The following FHIT variants were observed in gnomAD, a reference collection of about 807,000 sequenced individuals.
The protein encoded by FHIT is fragile histidine triad diadenosine triphosphatase, also known as bis(5'-adenosyl)-triphosphatase.
FHIT carries 19 observed loss-of-function variants against 17.9 expected under a neutral mutation model. The observed-to-expected ratio is 1.06, with a 90% CI of 0.74 to 1.56. The LOEUF (loss-of-function observed/expected upper bound fraction) is 1.56, where lower values mean the gene tolerates loss of function less well. Ranked by LOEUF, FHIT falls within the 40% of genes most tolerant of loss-of-function variation. FHIT has a pLI of 0.00. For synonymous variants in FHIT, 81 were observed against 69.7 expected, an observed-to-expected ratio of 1.16 and a Z score of -0.81; for missense variants, 248 against 189.2, an observed-to-expected ratio of 1.31 and a Z score of -1.82.
chr3:60,383,610 A>T (rs949817995), intron 5 of FHIT, among the ~76,000 whole-genome samples: 1 of 152,060 alleles, frequency 6.6e-6, no homozygotes, highest in Non-Finnish European at 1.5e-5. Flanking sequence ...ACATATGATC[A>T]CTATCATTTA....
In FHIT at chr3:60,764,161, A is replaced by G. The variant is rs552642100; in HGVS notation, c.-18+57758T>C. On this transcript the variant is annotated intron_variant, in intron 4 of 9. Transcript: ENST00000492590. ...ATCATGTAGTGCTCCATCACCTGTC[A>G]CTCCCACCATTCCTGAGGGGCTTGG... Among the ~76,000 whole-genome samples, 12 of 151,846 alleles carry G rather than the reference A, an allele frequency of 7.9e-5. No homozygotes were observed. In the South Asian group the frequency reaches 1.7e-3, roughly 21 times the overall value.
At chr3:60,502,558 T>C (rs55996445) in intron 5 of FHIT, among the ~76,000 whole-genome samples, 11,704 of 152,098 alleles carry the variant, frequency 0.077, 622 homozygotes, top group East Asian at 0.11. Flanking sequence ...TGTCAGCAAC[T>C]CCCCCAGTGC....
At chr3:60,877,613 T>C (rs782184719) in intron 3 of FHIT, among the ~76,000 whole-genome samples, 3 of 152,126 alleles carry the variant, frequency 2.0e-5, no homozygotes, top group African/African-American at 4.8e-5. Flanking sequence ...CATGCCTGAG[T>C]TAAAGTGTCA....
intron 5 of FHIT, among the ~76,000 whole-genome samples, chr3:60,236,687 C>A (rs1220032196): frequency 1.3e-5 from 2 of 152,184 alleles, no homozygotes; most frequent in East Asian, 3.9e-4. Flanking sequence ...TTTTGCAAGG[C>A]AATTGAGTGT....
At position 60,441,796 on chromosome 3, in the gene FHIT, A is replaced by ATATGTATATGTGTGTGTGTG. The variant is rs1553772917; in HGVS notation, c.103+95063_103+95064insCACACACACACATATACATA. 3.5e-4 allele frequency among the ~76,000 whole-genome samples: 23 copies of ATATGTATATGTGTGTGTGTG among 66,086 alleles called. 1 individual carries two copies. Among genetic ancestry groups the ATATGTATATGTGTGTGTGTG allele is most frequent in the Middle Eastern group, 8.3e-3 (1 of 120 alleles). The allele number at this position is 66,086 out of a possible 152,430, so 43.4% of individuals were successfully genotyped here. On this transcript the variant is annotated intron_variant, in intron 5 of 9. Transcript: ENST00000492590. Reference sequence around the variant, plus strand: ...TATATGTATAAAAATATATATATATATATATATATATATATATATCAGGTC... The same window carrying ATATGTATATGTGTGTGTGTG: ...TATATGTATAAAAATATATATATATATATGTATATGTGTGTGTGTGTATATATATATATATATATCAGGTC...
intron 5 of FHIT, among the ~76,000 whole-genome samples, chr3:60,024,758 T>G (rs1413061736): frequency 6.6e-6 from 1 of 152,208 alleles, no homozygotes; most frequent in African/African-American, 2.4e-5. Context: ...CTAGGCCCAG[T>G]TCACTTGGTC....
intron 1 of FHIT, among the ~76,000 whole-genome samples, chr3:61,211,693 G>C (rs11130832): frequency 0.11 from 16,249 of 152,302 alleles, 1,060 homozygotes; most frequent in South Asian, 0.21. Context: ...AGAATGGGGA[G>C]ACTGCCTCCT....
At chr3:61,191,055 C>T (rs1004144096) in intron 2 of FHIT, among the ~76,000 whole-genome samples, 3 of 151,552 alleles carry the variant, frequency 2.0e-5, no homozygotes, top group African/African-American at 7.3e-5. Flanking sequence ...ACATTGCGTA[C>T]ATGTACCCTA....
intron 3 of FHIT, among the ~76,000 whole-genome samples, chr3:60,941,594 G>T (rs531469837): frequency 6.7e-6 from 1 of 149,966 alleles, no homozygotes; most frequent in African/African-American, 2.5e-5. Flanking sequence ...TTTTTCTACT[G>T]ACTATGTTCT....
At chr3:59,884,092 T>C (rs1038193450) in intron 8 of FHIT, among the ~76,000 whole-genome samples, 4 of 152,338 alleles carry the variant, frequency 2.6e-5, no homozygotes, top group Non-Finnish European at 4.4e-5. Context: ...CTTTGCTTAA[T>C]TGGGTAGTAA....
Position 60,794,290 on chromosome 3 carries a change from T to C in FHIT, c.-18+27629A>G, listed in dbSNP as rs73836129. 8.3e-4 allele frequency among the ~76,000 whole-genome samples: 126 copies of C among 152,304 alleles called. 1 individual carries two copies. The highest frequency in any genetic ancestry group is 3.0e-3 in the African/African-American group (124 of 41,564). On this transcript the variant is annotated intron_variant, in intron 4 of 9. Transcript: ENST00000492590. ...AAGAATATATCTTGTATTCTAGATA[T>C]TATATTAGATCTATATACATATTCT...
At chr3:61,007,352 C>T (rs775816724) in intron 3 of FHIT, among the ~76,000 whole-genome samples, 2 of 152,118 alleles carry the variant, frequency 1.3e-5, no homozygotes, top group Admixed American at 6.5e-5. Context: ...TTTTCATCTG[C>T]CATGTTTAAT....
chr3:60,997,939 G>T (rs2030794097), intron 3 of FHIT, among the ~76,000 whole-genome samples: 1 of 152,088 alleles, frequency 6.6e-6, no homozygotes, highest in African/African-American at 2.4e-5. Context: ...TAGAAAATCA[G>T]AAATAACAGC....
chr3:60,338,192 C>A (rs1298585533), intron 5 of FHIT, among the ~76,000 whole-genome samples: 4 of 152,054 alleles, frequency 2.6e-5, no homozygotes, highest in Admixed American at 6.6e-5. Flanking sequence ...TGCTCAAATT[C>A]CACCACATTC....
chr3:61,169,409 T>G (rs940611957), intron 2 of FHIT, among the ~76,000 whole-genome samples: 4 of 152,202 alleles, frequency 2.6e-5, no homozygotes, highest in Non-Finnish European at 4.4e-5. Flanking sequence ...AAATAAAATC[T>G]TTAGCATGTG....
intron 5 of FHIT, among the ~76,000 whole-genome samples, chr3:60,223,877 C>A (rs763674495): frequency 1.3e-5 from 2 of 152,086 alleles, no homozygotes; most frequent in East Asian, 1.9e-4. Context: ...CAAGTCTCAT[C>A]TCCTCATTCT....
chr3:60,189,969 C>G (rs544774677), intron 5 of FHIT, among the ~76,000 whole-genome samples: 153 of 152,318 alleles, frequency 1.0e-3, no homozygotes, highest in African/African-American at 3.5e-3. Context: ...AAAGGATGCT[C>G]TTTCCCTTAG....
intron 7 of FHIT, among the ~76,000 whole-genome samples, chr3:59,984,181 T>C (rs932245839): frequency 6.6e-6 from 1 of 152,114 alleles, no homozygotes; most frequent in African/African-American, 2.4e-5. Flanking sequence ...ATATTCTTTC[T>C]CTTTACTGCT....
intron 3 of FHIT, among the ~76,000 whole-genome samples, chr3:60,959,273 T>G (rs2107489154): frequency 6.6e-6 from 1 of 152,316 alleles, no homozygotes; most frequent in Non-Finnish European, 1.5e-5. Context: ...TTACCTTGTC[T>G]GAAAAATCAG....
Sources: gnomAD v4.1 joint callset for allele counts (sites outside exome capture counted in the v4.1 genomes callset) on GRCh38, gnomAD v4.1.1 for gene constraint, MANE v1.5 for transcripts, NCBI Gene and HGNC (gene_info 2026-07-23, HGNC 2026-07-21) for gene names.